PAX1: variants seen among roughly 807,000 people sequenced by gnomAD.
PAX1 encodes the protein paired box 1, also known as paired box protein Pax-1.
PAX1 carries 18 observed loss-of-function variants against 35.6 expected under a neutral mutation model. The observed-to-expected ratio is 0.50, with a 90% CI of 0.35 to 0.75. The LOEUF (loss-of-function observed/expected upper bound fraction) is 0.75, where lower values mean the gene tolerates loss of function less well. PAX1 is among the 30% of genes least tolerant of loss of function. PAX1 has a pLI of 0.01. For missense variants in PAX1, 760 were observed against 661.5 expected, an observed-to-expected ratio of 1.15 and a Z score of -1.63; for synonymous variants, 397 against 305.2, an observed-to-expected ratio of 1.30 and a Z score of -3.14.
In PAX1 at chr20:21,717,696, A is replaced by G. The variant is rs1218600174; in HGVS notation, c.*3134A>G. The G allele has an allele frequency of 6.6e-6, 1 of 152,138 alleles. No individual in the cohort carries two copies. Among genetic ancestry groups the G allele is most frequent in the African/African-American group, 2.4e-5 (1 of 41,440 alleles). 9.4% of individuals were successfully genotyped at this position (152,138 alleles called of 1,614,324 possible). The stretch of plus-strand genomic sequence containing the variant: ...TTGCCTTTCATTTTTTTAATTTAAG[A>G]ATAAGTTTTTTTTAGAAAAATATAG... On this transcript the variant is annotated 3_prime_UTR_variant, in exon 5 of 5. Transcript: ENST00000613128.
Position 21,715,318 on chromosome 20 carries a change from G to C in PAX1, c.*756G>C, listed in dbSNP as rs1187929336. On this transcript the variant is annotated 3_prime_UTR_variant, in exon 5 of 5. Coordinates refer to ENST00000613128, the MANE Select transcript of PAX1 (RefSeq NM_001257096.2). ...AGCCCACCAGCCCTAATGGAGGGGG[G>C]CTCAAACCTAGGAAGTGGACAGAAA... 2 of 158,402 alleles carry C rather than the reference G, an allele frequency of 1.3e-5. No homozygotes were observed. Among genetic ancestry groups the C allele is most frequent in the African/African-American group, 2.4e-5 (1 of 41,418 alleles). The allele number at this position is 158,402 out of a possible 1,614,324, so 9.8% of individuals were successfully genotyped here.
Position 21,714,707 on chromosome 20 carries a change from C to A in PAX1, c.*145C>A. 6.2e-7 allele frequency: 1 copy of A among 1,605,812 alleles called. No individual in the cohort carries two copies. On this transcript the variant is annotated 3_prime_UTR_variant, in exon 5 of 5. Transcript: ENST00000613128. ...CCAGTGCCGGCCCGCGGGGTGCACGCCCAGCCAGCCCCCAGGCCCAGCCCT... is the reference window on the plus strand; with the variant it reads ...CCAGTGCCGGCCCGCGGGGTGCACGACCAGCCAGCCCCCAGGCCCAGCCCT...
rs1459534691 is a variant in PAX1 at position 21,715,349 on chromosome 20, C to A, written c.*787C>A. On this transcript the variant is annotated 3_prime_UTR_variant, in exon 5 of 5. Coordinates refer to ENST00000613128, the MANE Select transcript of PAX1 (RefSeq NM_001257096.2). ...ACCTAGGAAGTGGACAGAAAAGCCA[C>A]AGCCTTTATTTTGTATTTTTTTTGT... 1.9e-5 allele frequency: 3 copies of A among 155,268 alleles called. No homozygotes were observed. The highest frequency in any genetic ancestry group is 7.2e-5 in the African/African-American group (3 of 41,446). 9.6% of individuals were successfully genotyped at this position (155,268 alleles called of 1,614,324 possible).
chr20:21,705,780 C>T lies in PAX1; in HGVS notation c.68C>T (p.Ala23Val). 1 of 1,262,630 alleles carries T rather than the reference C, an allele frequency of 7.9e-7. No homozygotes were observed. The highest frequency in any genetic ancestry group is 1.0e-6 in the Non-Finnish European group (1 of 1,003,876). 78.2% of individuals were successfully genotyped at this position (1,262,630 alleles called of 1,614,324 possible). ...TCCTGGGAGGGGGCAGCAGCGGCGGCGGCAGGCCCTGGAGCGGGCGGCAGC... is the reference window on the plus strand; with the variant it reads ...TCCTGGGAGGGGGCAGCAGCGGCGGTGGCAGGCCCTGGAGCGGGCGGCAGC... Reference protein sequence around the residue: ...RVSWEGAAAAAAGPGAGGSAL... With the variant: ...RVSWEGAAAAVAGPGAGGSAL... The change falls in exon 1 of 5, where the codon GCG becomes GTG. Residue 23 changes from alanine to valine, a missense_variant. Ala to Val is a moderately conservative substitution (Grantham distance 64). Around this residue, in one of 3 missense-constraint regions of PAX1, gnomAD observed 222 missense variants for 153.0 expected, o/e 1.45. Coordinates refer to ENST00000613128, the MANE Select transcript of PAX1 (RefSeq NM_001257096.2).
Position 21,715,198 on chromosome 20 carries a change from T to C in PAX1, c.*636T>C. ...GCCCTAGTTCCCTTTGTTTTACTGC[T>C]TCCCCAACCCTCCCTCAGTCCCTGA... On this transcript the variant is annotated 3_prime_UTR_variant, in exon 5 of 5. Transcript: ENST00000613128. 1 of 259,546 alleles carries C rather than the reference T, an allele frequency of 3.9e-6. No individual in the cohort carries two copies. 16.1% of individuals were successfully genotyped at this position (259,546 alleles called of 1,614,324 possible). A position where few individuals can be genotyped will look rare whatever the true frequency, so the allele number is the denominator to read the frequency against.
At position 21,709,451 on chromosome 20, in the gene PAX1, A is replaced by AGCG. The variant is rs561881801; in HGVS notation, c.1282+8_1282+10dup. 2.8e-4 allele frequency: 421 copies of AGCG among 1,514,946 alleles called. 2 individuals are homozygous for AGCG. The African/African-American group carries it at 5.2e-3, about 19-fold the overall frequency. 93.8% of individuals were successfully genotyped at this position (1,514,946 alleles called of 1,614,324 possible). A position where few individuals can be genotyped will look rare whatever the true frequency, so the allele number is the denominator to read the frequency against. On this transcript the variant is annotated splice_region_variant and intron_variant, in intron 4 of 4. Transcript: ENST00000613128. ...AAGCATCCCAGCCGAGAAGGTGAGGAGCGCAGGGAGTGGGGCGGGTGGATG... is the reference window on the plus strand; with the variant it reads ...AAGCATCCCAGCCGAGAAGGTGAGGAGCGGCGCAGGGAGTGGGGCGGGTGGATG...
In PAX1 at chr20:21,706,313, G is replaced by A; in HGVS notation, c.287-125G>A. The A allele has an allele frequency of 7.6e-7, 1 of 1,311,212 alleles. No individual in the cohort carries two copies. Among genetic ancestry groups the A allele is most frequent in the Non-Finnish European group, 1.1e-6 (1 of 921,012 alleles). 81.2% of individuals were successfully genotyped at this position (1,311,212 alleles called of 1,614,324 possible). On this transcript the variant is annotated intron_variant, in intron 1 of 4. Coordinates refer to ENST00000613128, the MANE Select transcript of PAX1 (RefSeq NM_001257096.2). The surrounding 1 kb of genome is among the most constrained non-coding windows in gnomAD (Gnocchi z 5.3). ...TTTGCCCTTGGACTCCGAGCTGTCT[G>A]GGGACCCACAGGTCACCTTTGGAAG...
At chr20:21,708,827 G>A (rs918692180) in intron 3 of PAX1, 127 bp downstream of exon 3, 2 of 943,170 alleles carry the variant, frequency 2.1e-6, no homozygotes, top group South Asian at 2.8e-5. Flanking sequence ...CTGGCAGCCG[G>A]CTAGCAAGCG....
chr20:21,717,763 T>C lies in PAX1; in HGVS notation c.*3201T>C, dbSNP rs1248901242. The C allele has an allele frequency of 6.6e-6, 1 of 152,176 alleles. No individual in the cohort carries two copies. Among genetic ancestry groups the C allele is most frequent in the Non-Finnish European group, 1.5e-5 (1 of 68,042 alleles). The allele number at this position is 152,176 out of a possible 1,614,324, so 9.4% of individuals were successfully genotyped here. On this transcript the variant is annotated 3_prime_UTR_variant, in exon 5 of 5. Transcript: ENST00000613128. Reference sequence around the variant, plus strand: ...AAATAAAGACATAATCAGATAGCCCTCTGATTTTTTGAAAGAATAGAAATA... The same window carrying C: ...AAATAAAGACATAATCAGATAGCCCCCTGATTTTTTGAAAGAATAGAAATA...
Position 21,706,892 on chromosome 20 carries a change from C to T in PAX1, c.741C>T (p.Pro247=). The change falls in exon 2 of 5, where the codon CCC becomes CCT. Residue 247 remains proline (P), a synonymous_variant. Coordinates refer to ENST00000613128, the MANE Select transcript of PAX1 (RefSeq NM_001257096.2). The surrounding 1 kb of genome is among the most constrained non-coding windows in gnomAD (Gnocchi z 5.3). ...AGCCGCCGTCGCAGCCTACGCTGCC[C>T]TACAACCACATCTACCAGTACCCCT... ...SKQPPSQPTL[P]YNHIYQYPYP... 2 of 1,613,520 alleles carry T rather than the reference C, an allele frequency of 1.2e-6. No individual in the cohort carries two copies. Among genetic ancestry groups the T allele is most frequent in the Non-Finnish European group, 1.7e-6 (2 of 1,180,008 alleles).
Position 21,713,857 on chromosome 20 carries a change from G to C in PAX1, c.1283-614G>C, listed in dbSNP as rs1198212053. On this transcript the variant is annotated intron_variant, in intron 4 of 4. Coordinates refer to ENST00000613128, the MANE Select transcript of PAX1 (RefSeq NM_001257096.2). ...GAGCGCATCTGGATCCCCGGACCTC[G>C]TGGGCACAACGTAGTCTGCCGCTCA... Among the ~76,000 whole-genome samples the C allele has an allele frequency of 2.6e-5, 4 of 152,238 alleles. No homozygotes were observed. In the East Asian group the frequency reaches 7.7e-4, roughly 29 times the overall value.
In PAX1 at chr20:21,709,325, C is replaced by T; in HGVS notation, c.1163C>T (p.Ala388Val). The T allele has an allele frequency of 3.1e-6, 5 of 1,599,176 alleles. No homozygotes were observed. The highest frequency in any genetic ancestry group is 1.7e-4 in the Middle Eastern group (1 of 5,802). The change falls in exon 4 of 5, where the codon GCC (alanine) becomes GTC (valine). Residue 388 changes from alanine (A) to valine (V), a missense_variant. Transcript: ENST00000613128. ...VYSAPGGGYLAPGPPWPPAQG... is the reference protein window; with the variant it reads ...VYSAPGGGYLVPGPPWPPAQG... ...AGCGCCCCGGGCGGCGGCTACCTCG[C>T]CCCGGGCCCGCCGTGGCCGCCTGCG...
intron 2 of PAX1, 69 bp from the exon 3 acceptor site, chr20:21,708,489 G>C: frequency 6.3e-7 from 1 of 1,581,922 alleles, no homozygotes; most frequent in South Asian, 1.1e-5. Flanking sequence ...TACAAATTGG[G>C]TGGTTGGCCA....
chr20:21,718,376 G>T lies in PAX1; in HGVS notation c.*3814G>T, dbSNP rs1401194203. On this transcript the variant is annotated 3_prime_UTR_variant, in exon 5 of 5. Coordinates refer to ENST00000613128, the MANE Select transcript of PAX1 (RefSeq NM_001257096.2). ...GTGAGGGGAAGGCTTCCTCTCCTTT[G>T]GAGGGAGTCAGTCTCTCTGGGCCAG... is the stretch of plus-strand genomic sequence containing the variant. The T allele has an allele frequency of 6.6e-6, 1 of 152,192 alleles. No individual in the cohort carries two copies. Among genetic ancestry groups the T allele is most frequent in the Non-Finnish European group, 1.5e-5 (1 of 68,046 alleles). The allele number at this position is 152,192 out of a possible 1,614,324, so 9.4% of individuals were successfully genotyped here. A position where few individuals can be genotyped will look rare whatever the true frequency, so the allele number is the denominator to read the frequency against.
At position 21,714,894 on chromosome 20, in the gene PAX1, C is replaced by T; in HGVS notation, c.*332C>T. The T allele has an allele frequency of 1.0e-6, 1 of 1,000,260 alleles. No individual in the cohort carries two copies. Among genetic ancestry groups the T allele is most frequent in the Admixed American group, 1.9e-5 (1 of 51,706 alleles). The allele number at this position is 1,000,260 out of a possible 1,614,324, so 62.0% of individuals were successfully genotyped here. ...TCTTTTTTGTCACTCCCTTGTCCGT[C>T]TCCGTCTCGCCTCTCTCCCTGTTTC... On this transcript the variant is annotated 3_prime_UTR_variant, in exon 5 of 5. Transcript: ENST00000613128.
At position 21,706,101 on chromosome 20, in the gene PAX1, TG is replaced by T. The variant is rs1984983094; in HGVS notation, c.286+106del. 3 of 1,020,012 alleles carry T rather than the reference TG, an allele frequency of 2.9e-6. No homozygotes were observed. The highest frequency in any genetic ancestry group is 4.3e-6 in the Non-Finnish European group (3 of 696,912). 63.2% of individuals were successfully genotyped at this position (1,020,012 alleles called of 1,614,324 possible). Reference sequence around the variant, plus strand: ...CCGCTTTCCCTGGGCGACCCAGTCCTGGGTCCTGGAGAAGCTGCATTCTCCT... The same window carrying T: ...CCGCTTTCCCTGGGCGACCCAGTCCTGGTCCTGGAGAAGCTGCATTCTCCT... On this transcript the variant is annotated intron_variant, in intron 1 of 4. Coordinates refer to ENST00000613128, the MANE Select transcript of PAX1 (RefSeq NM_001257096.2). This position sits in a 1 kb window ranked among gnomAD's most constrained non-coding sequence, Gnocchi z 5.3.
intron 4 of PAX1, among the ~76,000 whole-genome samples, 153 bp downstream of exon 4, chr20:21,709,597 C>T (rs1361061533): frequency 6.6e-6 from 1 of 152,148 alleles, no homozygotes; most frequent in Non-Finnish European, 1.5e-5. Context: ...GAGCATGTAG[C>T]TTCTTGGAGC....
chr20:21,708,146 T>C, intron 2 of PAX1: 3 of 320,720 alleles, frequency 9.4e-6, no homozygotes, highest in South Asian at 9.1e-5. Context: ...GAGGCAGTTC[T>C]CGTAGAATCG....
chr20:21,717,643 A>C lies in PAX1; in HGVS notation c.*3081A>C, dbSNP rs925325446. On this transcript the variant is annotated 3_prime_UTR_variant, in exon 5 of 5. Coordinates refer to ENST00000613128, the MANE Select transcript of PAX1 (RefSeq NM_001257096.2). ...CACGTCAGGTAGAATAATTTGAGAA[A>C]CAATCACTCCCTAAACGCAGTTTGT... The C allele has an allele frequency of 2.0e-5, 3 of 152,308 alleles. No individual in the cohort carries two copies. The highest frequency in any genetic ancestry group is 7.2e-5 in the African/African-American group (3 of 41,566). The allele number at this position is 152,308 out of a possible 1,614,324, so 9.4% of individuals were successfully genotyped here.
Sources: gnomAD v4.1 joint callset for allele counts (sites outside exome capture counted in the v4.1 genomes callset) on GRCh38, gnomAD v4.1.1 for gene constraint, gnomAD v4.1.1 regional missense constraint, Gnocchi (gnomAD v3.1) non-coding constraint, MANE v1.5 for transcripts, NCBI Gene and HGNC (gene_info 2026-07-23, HGNC 2026-07-21) for gene names.